Variants in GPHN observed in about 807,000 individuals in gnomAD.
GPHN encodes the protein gephyrin.
In GPHN, 17 loss-of-function variants were observed where a neutral mutation model predicts 95.5. The observed-to-expected ratio is 0.18, with a 90% CI of 0.12 to 0.27. The LOEUF (loss-of-function observed/expected upper bound fraction) is 0.27. Among genes scored for constraint, GPHN ranks in the 10% least tolerant of loss-of-function variants. The probability of loss-of-function intolerance (pLI) is 1.00; values close to 1 mark genes in which losing one functional copy is unlikely to be tolerated. For synonymous variants in GPHN, 320 were observed against 322.5 expected (o/e 0.99, Z 0.08); for missense variants, 660 against 978.1 (o/e 0.67, Z 4.34).
rs1780864864 is a variant in GPHN, at chr14:66,710,930, A to T, written c.143+29745A>T. Among the ~76,000 whole-genome samples, 3 of 152,158 alleles carry T rather than the reference A, an allele frequency of 2.0e-5. No individual in the cohort carries two copies. In the South Asian group the frequency reaches 6.2e-4, roughly 31 times the overall value. On this transcript the variant is annotated intron_variant, in intron 2 of 22. Transcript: ENST00000478722. Reference sequence around the variant, plus strand: ...TAATAGATGTTAGCTATAAATCATTATTTTCATAATTTGAGTTACATACTC... The same window carrying T: ...TAATAGATGTTAGCTATAAATCATTTTTTTCATAATTTGAGTTACATACTC...
chr14:67,618,062 C>T, the GPHN span, among the ~76,000 whole-genome samples: 1 of 152,102 alleles, frequency 6.6e-6, no homozygotes, highest in Non-Finnish European at 1.5e-5. Flanking sequence ...CCTGAGGCAA[C>T]CTGTGCCAGT....
the GPHN span, among the ~76,000 whole-genome samples, chr14:67,617,714 TTTG>T: frequency 2.0e-5 from 3 of 151,878 alleles, no homozygotes; most frequent in Non-Finnish European, 4.4e-5. Context: ...CAAGAGGTTT[TTTG>T]TTGTTTGTTT....
chr14:66,912,133 G>A (rs1212754044), intron 5 of GPHN, among the ~76,000 whole-genome samples: 1 of 152,150 alleles, frequency 6.6e-6, no homozygotes, highest in Non-Finnish European at 1.5e-5. Context: ...TTACTTTCCA[G>A]GGCCTATATA....
intron 1 of GPHN, among the ~76,000 whole-genome samples, chr14:66,622,223 C>T (rs117069041): frequency 2.6e-5 from 4 of 152,246 alleles, no homozygotes; most frequent in East Asian, 3.9e-4. Flanking sequence ...ACCCTCTGAA[C>T]GCATGGCCTG....
At chr14:66,698,898 GA>G (rs1197077979) in intron 2 of GPHN, among the ~76,000 whole-genome samples, 1 of 152,140 alleles carries the variant, frequency 6.6e-6, no homozygotes, top group Non-Finnish European at 1.5e-5. Flanking sequence ...AAAATCTGCA[GA>G]TAAGTGGAAC....
chr14:66,617,343 A>G (rs968283645), intron 1 of GPHN, among the ~76,000 whole-genome samples: 1 of 152,186 alleles, frequency 6.6e-6, no homozygotes, highest in African/African-American at 2.4e-5. Flanking sequence ...GCCCAGTGGC[A>G]TGGGTTCGCA....
chr14:66,599,391 C>CTTTT (rs1566679513), intron 1 of GPHN, among the ~76,000 whole-genome samples: 1 of 74,046 alleles, frequency 1.4e-5, no homozygotes, highest in Non-Finnish European at 2.1e-5. Context: ...TTTTTTTTTG[C>CTTTT]ATTTTTTTTT....
the GPHN span, among the ~76,000 whole-genome samples, chr14:67,223,045 G>A: frequency 3.7e-5 from 5 of 135,358 alleles, no homozygotes; most frequent in East Asian, 1.1e-3. Context: ...TTTCGCCCAA[G>A]CCAGAGTGCA....
At chr14:67,476,547 A>G in the GPHN span, among the ~76,000 whole-genome samples, 1 of 152,124 alleles carries the variant, frequency 6.6e-6, no homozygotes, top group Non-Finnish European at 1.5e-5. Flanking sequence ...AGATCATGCC[A>G]CTGCACTCCA....
At chr14:67,678,467 A>C in the GPHN span, 5 of 1,330,420 alleles carry the variant, frequency 3.8e-6, no homozygotes, top group East Asian at 9.2e-5. Flanking sequence ...GTTAAGAATG[A>C]AGTCTGCCAT....
At chr14:67,491,342 C>T in the GPHN span, among the ~76,000 whole-genome samples, 32 of 152,306 alleles carry the variant, frequency 2.1e-4, no homozygotes, top group Non-Finnish European at 4.1e-4. Flanking sequence ...TCTCCACCCT[C>T]CCACACCTTT....
intron 11 of GPHN, among the ~76,000 whole-genome samples, chr14:67,086,476 C>G (rs1007239847): frequency 6.6e-6 from 1 of 150,840 alleles, no homozygotes; most frequent in Non-Finnish European, 1.5e-5. Flanking sequence ...ACGGTGAAAC[C>G]CCGTCTCTAC....
chr14:66,753,458 C>G (rs549975736), intron 2 of GPHN, among the ~76,000 whole-genome samples: 30 of 151,858 alleles, frequency 2.0e-4, no homozygotes, highest in Middle Eastern at 3.4e-3. Context: ...TTTTAAGCCC[C>G]TGAGTTTTAG....
chr14:66,999,014 T>C (rs1047682771), intron 9 of GPHN, among the ~76,000 whole-genome samples: 2 of 151,892 alleles, frequency 1.3e-5, no homozygotes, highest in Non-Finnish European at 2.9e-5. Flanking sequence ...AATATTAATG[T>C]CATCCTCATT....
intron 1 of GPHN, among the ~76,000 whole-genome samples, chr14:66,546,014 C>T (rs143380547): frequency 0.26 from 36,985 of 141,874 alleles, 9,334 homozygotes; most frequent in African/African-American, 0.63. Flanking sequence ...ACTTCTCAGA[C>T]GGGGCGGCCG....
chr14:66,784,480 T>C (rs1002366293), intron 3 of GPHN, among the ~76,000 whole-genome samples: 9 of 152,152 alleles, frequency 5.9e-5, no homozygotes, highest in African/African-American at 1.9e-4. Context: ...AACAGCAGAA[T>C]GGGTCAATAC....
intron 3 of GPHN, among the ~76,000 whole-genome samples, chr14:66,823,832 A>T (rs2061296171): frequency 6.6e-6 from 1 of 152,172 alleles, no homozygotes; most frequent in Non-Finnish European, 1.5e-5. Context: ...TTAAATTTTG[A>T]CTCTGAATTA....
chr14:66,997,618 T>C (rs1475385182), intron 9 of GPHN, among the ~76,000 whole-genome samples: 3 of 152,200 alleles, frequency 2.0e-5, no homozygotes, highest in Non-Finnish European at 4.4e-5. Context: ...CAGAATACCA[T>C]CTGCAGATCT....
At chr14:66,693,438 A>G (rs1342520644) in intron 2 of GPHN, among the ~76,000 whole-genome samples, 2 of 152,222 alleles carry the variant, frequency 1.3e-5, no homozygotes, top group African/African-American at 4.8e-5. Context: ...ATAGATAGAT[A>G]GGTAGATACA....
Sources: allele counts gnomAD v4.1 joint callset (sites outside exome capture counted in the v4.1 genomes callset), GRCh38; gene constraint gnomAD v4.1.1; transcripts MANE v1.5; gene names NCBI Gene and HGNC (gene_info 2026-07-23, HGNC 2026-07-21).